The following FHIT variants were observed in gnomAD, a reference collection of about 807,000 sequenced individuals.
FHIT encodes fragile histidine triad diadenosine triphosphatase.
Under a neutral mutation model 17.9 loss-of-function variants are expected in FHIT, and 19 were observed. That is an observed-to-expected ratio of 1.06 (90% CI 0.74 to 1.56). The LOEUF (loss-of-function observed/expected upper bound fraction) is 1.56. Among genes scored for constraint, FHIT ranks in the 40% most tolerant of loss-of-function variants. FHIT has a pLI of 0.00. For missense variants in FHIT, 248 were observed against 189.2 expected, an observed-to-expected ratio of 1.31 and a Z score of -1.82; for synonymous variants, 81 against 69.7, an observed-to-expected ratio of 1.16 and a Z score of -0.81.
intron 7 of FHIT, among the ~76,000 whole-genome samples, chr3:59,973,039 G>A (rs1418799920): frequency 1.3e-5 from 2 of 151,916 alleles, no homozygotes; most frequent in African/African-American, 2.4e-5. Flanking sequence ...AGCTAGACAG[G>A]GTGTGTCTCC....
At chr3:60,964,463 G>A (rs1217393366) in intron 3 of FHIT, among the ~76,000 whole-genome samples, 1 of 152,136 alleles carries the variant, frequency 6.6e-6, no homozygotes, top group African/African-American at 2.4e-5. Flanking sequence ...GTGTGAATTT[G>A]ATCCTGTCAT....
At chr3:61,088,781 A>G (rs530263524) in intron 2 of FHIT, among the ~76,000 whole-genome samples, 26 of 152,232 alleles carry the variant, frequency 1.7e-4, no homozygotes, top group African/African-American at 5.8e-4. Flanking sequence ...GAAGAACTAC[A>G]AAATACAGTG....
At chr3:59,883,511 C>T (rs1389873793) in intron 8 of FHIT, among the ~76,000 whole-genome samples, 11 of 152,142 alleles carry the variant, frequency 7.2e-5, no homozygotes, top group South Asian at 2.1e-4. Flanking sequence ...TTCACTACGA[C>T]GAGAATGGTA....
chr3:60,178,319 G>A (rs749930896), intron 5 of FHIT, among the ~76,000 whole-genome samples: 2 of 152,108 alleles, frequency 1.3e-5, no homozygotes, highest in Admixed American at 6.5e-5. Context: ...AGACACAATG[G>A]CTCACACCTG....
chr3:59,966,805 T>G (rs1280263702), intron 7 of FHIT, among the ~76,000 whole-genome samples: 4 of 152,074 alleles, frequency 2.6e-5, no homozygotes, highest in African/African-American at 9.7e-5. Flanking sequence ...TACTGTACAT[T>G]TCTATAGACT....
At chr3:60,181,145 ATTTTTTTT>A (rs199935934) in intron 5 of FHIT, among the ~76,000 whole-genome samples, 1 of 125,576 alleles carries the variant, frequency 8.0e-6, no homozygotes, top group Non-Finnish European at 1.6e-5. Context: ...AATTTTTTTA[ATTTTTTTT>A]TTTTTTTTTT....
intron 4 of FHIT, among the ~76,000 whole-genome samples, chr3:60,718,167 T>C (rs1305618520): frequency 6.6e-6 from 1 of 151,494 alleles, no homozygotes; most frequent in African/African-American, 2.5e-5. Context: ...TAAAAGGTTT[T>C]ATCTTATGCA....
At chr3:61,040,544 T>C (rs1312409120) in intron 3 of FHIT, among the ~76,000 whole-genome samples, 1 of 152,216 alleles carries the variant, frequency 6.6e-6, no homozygotes, top group African/African-American at 2.4e-5. Context: ...TTTTTTAAAA[T>C]ACTCTAATGT....
chr3:59,846,970 T>C (rs192498581), intron 8 of FHIT, among the ~76,000 whole-genome samples: 3 of 152,308 alleles, frequency 2.0e-5, no homozygotes, highest in Admixed American at 2.0e-4. Flanking sequence ...CCCTAGTGCA[T>C]GACAAATCTC....
Position 59,747,885 on chromosome 3 carries a change from A to T in FHIT, c.*1700T>A, listed in dbSNP as rs1003233975. ...GCTCTGGGTTTAAGATCTGGCCTCC[A>T]CTGCTGTTTCTCCAAAGTTGGGAGT... On this transcript the variant is annotated 3_prime_UTR_variant, in exon 10 of 10. Transcript: ENST00000492590. Among the ~76,000 whole-genome samples, 1 of 152,164 alleles carries T rather than the reference A, an allele frequency of 6.6e-6. No homozygotes were observed. Among genetic ancestry groups the T allele is most frequent in the Non-Finnish European group, 1.5e-5 (1 of 68,020 alleles).
intron 7 of FHIT, among the ~76,000 whole-genome samples, chr3:59,988,166 C>T (rs967149695): frequency 3.9e-5 from 6 of 151,982 alleles, no homozygotes; most frequent in Non-Finnish European, 2.9e-5. Flanking sequence ...AGGCAGCCTC[C>T]AAAATTGAGC....
chr3:60,058,287 TG>T (rs1702166908), intron 5 of FHIT, among the ~76,000 whole-genome samples: 2 of 151,420 alleles, frequency 1.3e-5, no homozygotes, highest in Non-Finnish European at 2.9e-5. Context: ...TGGGATTACA[TG>T]CCCAGCTAAT....
chr3:61,239,925 T>TG (rs1398406079), intron 1 of FHIT, among the ~76,000 whole-genome samples: 2 of 151,974 alleles, frequency 1.3e-5, no homozygotes, highest in African/African-American at 4.8e-5. Flanking sequence ...TTGTTGGAAA[T>TG]GCAAACACTT....
intron 5 of FHIT, among the ~76,000 whole-genome samples, chr3:60,206,479 A>C (rs1366418208): frequency 6.6e-6 from 1 of 151,642 alleles, no homozygotes. Flanking sequence ...CCAAAAGCAC[A>C]ATTTTTTTCT....
intron 4 of FHIT, among the ~76,000 whole-genome samples, chr3:60,546,877 C>G (rs777028496): frequency 2.0e-5 from 3 of 152,158 alleles, no homozygotes; most frequent in Non-Finnish European, 4.4e-5. Flanking sequence ...AGTTTTCTCT[C>G]TTTCCCTACC....
At chr3:61,134,781 A>G (rs1349658883) in intron 2 of FHIT, among the ~76,000 whole-genome samples, 2 of 152,124 alleles carry the variant, frequency 1.3e-5, no homozygotes, top group Non-Finnish European at 2.9e-5. Context: ...CCAAACCAGC[A>G]AGAGGCTGGT....
chr3:60,236,730 T>C (rs906504103), intron 5 of FHIT, among the ~76,000 whole-genome samples: 8 of 152,302 alleles, frequency 5.3e-5, no homozygotes, highest in African/African-American at 1.9e-4. Context: ...TACAGTAATA[T>C]TTGAAAATAT....
At chr3:60,560,188 A>G (rs2036886948) in intron 4 of FHIT, among the ~76,000 whole-genome samples, 1 of 152,148 alleles carries the variant, frequency 6.6e-6, no homozygotes, top group African/African-American at 2.4e-5. Flanking sequence ...CAGTGATACA[A>G]TCTGCTGCAG....
At chr3:61,229,916 G>A (rs1323575896) in intron 1 of FHIT, among the ~76,000 whole-genome samples, 2 of 152,110 alleles carry the variant, frequency 1.3e-5, no homozygotes, top group Non-Finnish European at 2.9e-5. Flanking sequence ...ACATCCACTA[G>A]CCTTCCTTCT....
Sources: gnomAD v4.1 joint callset for allele counts (sites outside exome capture counted in the v4.1 genomes callset) on GRCh38, gnomAD v4.1.1 for gene constraint, MANE v1.5 for transcripts, NCBI Gene and HGNC (gene_info 2026-07-23, HGNC 2026-07-21) for gene names.